Variants in NTNG1 observed in about 807,000 individuals in gnomAD.
NTNG1 encodes netrin G1.
A neutral mutation model predicts 54.0 loss-of-function variants in NTNG1; 16 were observed. That is an observed-to-expected ratio of 0.30 (90% CI 0.20 to 0.45). The LOEUF is 0.45. NTNG1 is among the 20% of genes least tolerant of loss of function. The pLI is 1.00. For synonymous variants in NTNG1, 255 were observed against 263.1 expected, an observed-to-expected ratio of 0.97 and a Z score of 0.30; for missense variants, 530 against 678.7, an observed-to-expected ratio of 0.78 and a Z score of 2.43.
chr1:107,340,702 T>C (rs1330070436), intron 3 of NTNG1, among the ~76,000 whole-genome samples: 3 of 152,008 alleles, frequency 2.0e-5, no homozygotes, highest in Non-Finnish European at 4.4e-5. Flanking sequence ...AAATCAAGTG[T>C]GGTTTGTTAA....
chr1:107,357,158 A>T (rs1252285123), intron 3 of NTNG1, among the ~76,000 whole-genome samples: 1 of 152,168 alleles, frequency 6.6e-6, no homozygotes, highest in Non-Finnish European at 1.5e-5. Context: ...ATTGGCCCTG[A>T]CAATTGTGTC....
intron 7 of NTNG1, among the ~76,000 whole-genome samples, chr1:107,469,781 A>T (rs577780338): frequency 6.6e-6 from 1 of 152,290 alleles, no homozygotes; most frequent in Non-Finnish European, 1.5e-5. Context: ...TTTAGCATCT[A>T]TTCCATGCCA....
chr1:107,448,921 A>G (rs931153702), intron 7 of NTNG1, among the ~76,000 whole-genome samples: 10 of 152,216 alleles, frequency 6.6e-5, no homozygotes, highest in Non-Finnish European at 1.5e-4. Flanking sequence ...AGTATATTGC[A>G]TTTGGTTATG....
intron 4 of NTNG1, among the ~76,000 whole-genome samples, chr1:107,405,299 A>G (rs906853399): frequency 2.0e-5 from 3 of 152,208 alleles, no homozygotes; most frequent in African/African-American, 7.2e-5. Context: ...TCAAATGAGC[A>G]GTTTAAAAAT....
intron 3 of NTNG1, chr1:107,334,096 A>G (rs947340055): frequency 2.6e-5 from 4 of 152,048 alleles, no homozygotes; most frequent in Admixed American, 2.6e-4. Context: ...AATTACAGCA[A>G]TGAGCTAAAA....
intron 7 of NTNG1, among the ~76,000 whole-genome samples, chr1:107,459,876 A>G (rs551499223): frequency 6.6e-6 from 1 of 152,276 alleles, no homozygotes; most frequent in South Asian, 2.1e-4. Flanking sequence ...TTGCTTGTGG[A>G]TTTTCCAGTG....
chr1:107,425,664 A>G (rs1489631090), intron 5 of NTNG1, among the ~76,000 whole-genome samples: 1 of 152,114 alleles, frequency 6.6e-6, no homozygotes, highest in East Asian at 1.9e-4. Flanking sequence ...TCTTTTTTAT[A>G]TAATGATTTA....
chr1:107,343,203 T>A (rs955902531), intron 3 of NTNG1, among the ~76,000 whole-genome samples: 4 of 152,128 alleles, frequency 2.6e-5, no homozygotes, highest in Non-Finnish European at 5.9e-5. Context: ...CTTCATAATT[T>A]CCAATGTCAC....
At chr1:107,164,457 G>A (rs1303918397) in intron 2 of NTNG1, among the ~76,000 whole-genome samples, 1 of 152,216 alleles carries the variant, frequency 6.6e-6, no homozygotes, top group Non-Finnish European at 1.5e-5. Context: ...AACTTACTGA[G>A]TACCTGTTAT....
At chr1:107,470,278 G>C (rs1458154568) in intron 7 of NTNG1, among the ~76,000 whole-genome samples, 6 of 151,952 alleles carry the variant, frequency 3.9e-5, no homozygotes. Flanking sequence ...TATTATCTAA[G>C]TAAAAGACAC....
intron 2 of NTNG1, among the ~76,000 whole-genome samples, chr1:107,305,578 T>A (rs145366211): frequency 1.3e-5 from 2 of 151,706 alleles, no homozygotes; most frequent in African/African-American, 4.9e-5. Context: ...CACTTTTTGA[T>A]GGGGTTATTT....
rs1001336654 is a variant in NTNG1 at position 107,148,075 on chromosome 1, G to A, written c.-519G>A. On this transcript the variant is annotated 5_prime_UTR_variant, in exon 2 of 8. Coordinates refer to ENST00000370068, the MANE Select transcript of NTNG1 (RefSeq NM_001113226.3). ...CTCTTATTGTTTCTAAAAGGGTGTTGGTGCCAGAAGAAAAGAATGATTGAT... is the reference window on the plus strand; with the variant it reads ...CTCTTATTGTTTCTAAAAGGGTGTTAGTGCCAGAAGAAAAGAATGATTGAT... 2 of 154,734 alleles carry A rather than the reference G, an allele frequency of 1.3e-5. No homozygotes were observed. The highest frequency in any genetic ancestry group is 6.3e-5 in the Admixed American group (1 of 15,844). 9.6% of individuals were successfully genotyped at this position (154,734 alleles called of 1,614,324 possible).
At chr1:107,457,875 G>C (rs1677049680) in intron 7 of NTNG1, among the ~76,000 whole-genome samples, 1 of 152,002 alleles carries the variant, frequency 6.6e-6, no homozygotes, top group African/African-American at 2.4e-5. Flanking sequence ...TATGAGTACT[G>C]TAAGGAAATT....
Position 107,213,810 on chromosome 1 carries a change from C to T in NTNG1, c.246+64971C>T, listed in dbSNP as rs530295290. 2.6e-5 allele frequency among the ~76,000 whole-genome samples: 4 copies of T among 152,044 alleles called. No homozygotes were observed. The South Asian group carries it at 6.2e-4, about 24-fold the overall frequency. Reference sequence around the variant, plus strand: ...AGTCCGCCTGTGATTATTTTCCAGACGTAGCAAGGGAGAATTAAGGCACCA... The same window carrying T: ...AGTCCGCCTGTGATTATTTTCCAGATGTAGCAAGGGAGAATTAAGGCACCA... On this transcript the variant is annotated intron_variant, in intron 2 of 7. Transcript: ENST00000370068.
intron 2 of NTNG1, among the ~76,000 whole-genome samples, chr1:107,240,173 T>G (rs781408884): frequency 6.6e-6 from 1 of 152,220 alleles, no homozygotes; most frequent in Non-Finnish European, 1.5e-5. Flanking sequence ...AAAAAATGTT[T>G]ATATTTTGGA....
chr1:107,424,100 A>T, intron 5 of NTNG1, among the ~76,000 whole-genome samples: 1 of 152,172 alleles, frequency 6.6e-6, no homozygotes, highest in East Asian at 1.9e-4. Flanking sequence ...TGAATATTAT[A>T]AATTCTATGA....
At chr1:107,459,494 G>GA (rs1366758755) in intron 7 of NTNG1, among the ~76,000 whole-genome samples, 1 of 150,784 alleles carries the variant, frequency 6.6e-6, no homozygotes, top group Non-Finnish European at 1.5e-5. Context: ...GATGGGGGAG[G>GA]AAAAAAAGGC....
chr1:107,376,050 G>C (rs974406136), intron 3 of NTNG1, among the ~76,000 whole-genome samples: 12 of 152,144 alleles, frequency 7.9e-5, no homozygotes, highest in Non-Finnish European at 1.5e-4. Flanking sequence ...CATTTATTGA[G>C]CACTTATATT....
intron 3 of NTNG1, among the ~76,000 whole-genome samples, chr1:107,371,704 C>CA (rs576222815): frequency 6.6e-6 from 1 of 151,990 alleles, no homozygotes; most frequent in Non-Finnish European, 1.5e-5. Flanking sequence ...CAATGCTACA[C>CA]AAACTCAGCC....
Sources: gnomAD v4.1 joint callset for allele counts (sites outside exome capture counted in the v4.1 genomes callset) on GRCh38, gnomAD v4.1.1 for gene constraint, MANE v1.5 for transcripts, NCBI Gene and HGNC (gene_info 2026-07-23, HGNC 2026-07-21) for gene names.